Variants in MAST4 observed in about 807,000 individuals in gnomAD.
MAST4 encodes microtubule-associated serine/threonine-protein kinase 4.
MAST4 carries 89 observed loss-of-function variants against 162.7 expected under a neutral mutation model. The observed-to-expected ratio is 0.55, with a 90% confidence interval of 0.46 to 0.65. The LOEUF (loss-of-function observed/expected upper bound fraction) is 0.65. MAST4 is among the 30% of genes least tolerant of loss of function. The pLI is 0.00. For synonymous variants in MAST4, 1,479 were observed against 1,361.1 expected, an observed-to-expected ratio of 1.09 and a Z score of -1.91; for missense variants, 3,153 against 3,374.0, an observed-to-expected ratio of 0.93 and a Z score of 1.62.
intron 3 of MAST4, among the ~76,000 whole-genome samples, chr5:66,875,135 G>C (rs1273438951): frequency 6.6e-6 from 1 of 152,154 alleles, no homozygotes; most frequent in African/African-American, 2.4e-5. Flanking sequence ...CCTAGTCTTA[G>C]GAATTTCAAG....
chr5:66,907,099 T>TCAGAAAGAATCAGAAAGAATC (rs550085372), intron 4 of MAST4, among the ~76,000 whole-genome samples: 1 of 148,364 alleles, frequency 6.7e-6, no homozygotes, highest in African/African-American at 2.6e-5. Context: ...TGTGGACATA[T>TCAGAAAGAATCAGAAAGAATC]AGAAGGGTGG....
chr5:66,750,319 C>T (rs1753055283), intron 1 of MAST4, among the ~76,000 whole-genome samples: 1 of 152,192 alleles, frequency 6.6e-6, no homozygotes, highest in South Asian at 2.1e-4. Flanking sequence ...AGGAACAGCT[C>T]AGGTCTACAG....
chr5:66,981,201 T>G (rs16898897), intron 4 of MAST4, among the ~76,000 whole-genome samples: 118,273 of 152,148 alleles, frequency 0.78, 46,573 homozygotes, highest in East Asian at 0.92. Context: ...AGTGGGATTT[T>G]TTTTGCAAAA....
chr5:66,773,025 T>C (rs903164274), intron 2 of MAST4, among the ~76,000 whole-genome samples: 2 of 152,206 alleles, frequency 1.3e-5, no homozygotes, highest in Admixed American at 1.3e-4. Flanking sequence ...AGGTGTCCTG[T>C]CACTCGAGCA....
At chr5:66,752,236 C>A (rs1045907568) in intron 1 of MAST4, among the ~76,000 whole-genome samples, 1 of 152,138 alleles carries the variant, frequency 6.6e-6, no homozygotes, top group Non-Finnish European at 1.5e-5. Context: ...ACTGCATCAA[C>A]TAATGAGCAA....
intron 4 of MAST4, among the ~76,000 whole-genome samples, chr5:66,969,379 T>G (rs978992581): frequency 1.3e-5 from 2 of 152,194 alleles, no homozygotes; most frequent in Non-Finnish European, 2.9e-5. Flanking sequence ...TGGGCAAGTG[T>G]TAAACTTCTT....
At chr5:66,695,954 A>C (rs1268800135) in intron 1 of MAST4, among the ~76,000 whole-genome samples, 1 of 152,200 alleles carries the variant, frequency 6.6e-6, no homozygotes, top group Non-Finnish European at 1.5e-5. Context: ...AATCAACCCA[A>C]ATGCCCATCA....
chr5:66,697,115 A>C (rs1328994052), intron 1 of MAST4, among the ~76,000 whole-genome samples: 1 of 152,238 alleles, frequency 6.6e-6, no homozygotes, highest in Non-Finnish European at 1.5e-5. Flanking sequence ...AATGGAAAGA[A>C]GTCAACTTCT....
chr5:66,819,593 T>A (rs1756893012), intron 3 of MAST4, among the ~76,000 whole-genome samples: 1 of 152,208 alleles, frequency 6.6e-6, no homozygotes, highest in African/African-American at 2.4e-5. Context: ...CTAATTTTAG[T>A]TAACATGTAT....
chr5:67,160,694 G>C (rs751320008), intron 27 of MAST4, 102 bp downstream of exon 27: 1 of 1,320,300 alleles, frequency 7.6e-7, no homozygotes, highest in Admixed American at 2.5e-5. Flanking sequence ...CTATTTTTCT[G>C]TGAGAAATTT....
rs1581790287 is a variant in MAST4 at position 67,165,604 on chromosome 5, A to G, written c.6425A>G (p.Asp2142Gly). The stretch of plus-strand genomic sequence containing the variant: ...CCTCCGCCCCCTCTGACGGCCAAAG[A>G]CCTGTCCAGCCCGGCTGCCAGGCAG... ...SIPPPPLTAKDLSSPAARQHC... is the reference protein window; with the variant it reads ...SIPPPPLTAKGLSSPAARQHC... Residue 2142 changes from aspartate (D) to glycine (G), a missense_variant, in exon 29 of 29, where the codon GAC becomes GGC. This residue lies in a region of MAST4 where 1,644 missense variants were observed against 1,495.0 expected (regional missense o/e 1.10). Coordinates refer to ENST00000403625, the MANE Select transcript of MAST4 (RefSeq NM_001164664.2). 3 of 1,613,480 alleles carry G rather than the reference A, an allele frequency of 1.9e-6. No homozygotes were observed. Among genetic ancestry groups the G allele is most frequent in the Non-Finnish European group, 1.7e-6 (2 of 1,179,718 alleles).
chr5:67,073,292 T>G (rs143010874), intron 5 of MAST4, among the ~76,000 whole-genome samples: 355 of 152,328 alleles, frequency 2.3e-3, no homozygotes, highest in African/African-American at 8.3e-3. Context: ...CTGCCACTTC[T>G]GTCATCAAAA....
At chr5:67,078,218 G>A (rs1358371904) in intron 5 of MAST4, among the ~76,000 whole-genome samples, 1 of 151,676 alleles carries the variant, frequency 6.6e-6, no homozygotes, top group African/African-American at 2.4e-5. Context: ...GAAAGTGGTT[G>A]ACAAATTTGA....
intron 3 of MAST4, among the ~76,000 whole-genome samples, chr5:66,838,469 T>C (rs1012989669): frequency 1.3e-5 from 2 of 152,210 alleles, no homozygotes; most frequent in East Asian, 3.8e-4. Context: ...ACTTACCCTA[T>C]TGTACTTTTA....
intron 2 of MAST4, among the ~76,000 whole-genome samples, chr5:66,777,559 T>G (rs1754660744): frequency 6.6e-6 from 1 of 152,164 alleles, no homozygotes; most frequent in South Asian, 2.1e-4. Flanking sequence ...GTGATGGACT[T>G]GAAATCAACA....
intron 4 of MAST4, among the ~76,000 whole-genome samples, chr5:67,015,245 G>A (rs1040854226): frequency 6.6e-5 from 10 of 152,240 alleles, no homozygotes; most frequent in East Asian, 3.9e-4. Context: ...TATAGTCCTC[G>A]TTTTAAGCCA....
At chr5:66,801,973 T>C (rs1755944828) in intron 3 of MAST4, among the ~76,000 whole-genome samples, 1 of 152,172 alleles carries the variant, frequency 6.6e-6, no homozygotes, top group African/African-American at 2.4e-5. Context: ...ATACTGTAAT[T>C]GGTTAGCTAT....
chr5:67,121,126 C>G (rs754494129), intron 14 of MAST4, 24 bp downstream of exon 14: 2 of 1,521,572 alleles, frequency 1.3e-6, no homozygotes, highest in Non-Finnish European at 1.8e-6. Flanking sequence ...GAAAAGCTCT[C>G]TATTGTATTT....
At chr5:66,600,048 G>T (rs1449086029) in intron 1 of MAST4, among the ~76,000 whole-genome samples, 1 of 152,120 alleles carries the variant, frequency 6.6e-6, no homozygotes, top group East Asian at 1.9e-4. Flanking sequence ...TGTTTTGAAT[G>T]TATTTAGTAA....
Sources: allele counts gnomAD v4.1 joint callset (sites outside exome capture counted in the v4.1 genomes callset), GRCh38; gene constraint gnomAD v4.1.1; regional missense constraint gnomAD v4.1.1; transcripts MANE v1.5; gene names NCBI Gene and HGNC (gene_info 2026-07-23, HGNC 2026-07-21).